Variants in ARMH3 observed in about 807,000 individuals in gnomAD.
The protein encoded by ARMH3 is armadillo-like helical domain-containing protein 3.
In ARMH3, 60 loss-of-function variants were observed where a neutral mutation model predicts 99.1. The observed-to-expected ratio is 0.61, with a 90% confidence interval of 0.49 to 0.75. ARMH3 has a LOEUF of 0.75. Ranked by LOEUF, ARMH3 falls within the 30% of genes least tolerant of loss-of-function variation. The pLI is 0.00. For missense variants in ARMH3, 679 were observed against 843.1 expected (o/e 0.81, Z 2.41); for synonymous variants, 285 against 292.8 (o/e 0.97, Z 0.27).
rs77732421 is a variant in ARMH3, at chr10:101,876,634, A to G, written c.1860+12778T>C. On this transcript the variant is annotated intron_variant, in intron 24 of 25. Coordinates refer to ENST00000370033, the MANE Select transcript of ARMH3 (RefSeq NM_024541.3). Reference sequence around the variant, plus strand: ...TTCCAATCAACACAGTTAATAATAGAGATACAAGTTTGCATAATGACACAT... The same window carrying G: ...TTCCAATCAACACAGTTAATAATAGGGATACAAGTTTGCATAATGACACAT... Among the ~76,000 whole-genome samples, 1,110 of 152,306 alleles carry G rather than the reference A, an allele frequency of 7.3e-3. 11 individuals carry two copies. The highest frequency in any genetic ancestry group is 0.025 in the African/African-American group (1,056 of 41,578).
At chr10:102,016,459 C>A (rs915659997) in intron 8 of ARMH3, among the ~76,000 whole-genome samples, 8 of 152,162 alleles carry the variant, frequency 5.3e-5, no homozygotes, top group African/African-American at 1.9e-4. Flanking sequence ...ATAATTGGTA[C>A]AGGTAGCTGT....
chr10:102,006,750 C>G (rs959458729), intron 13 of ARMH3, 117 bp from the exon 14 acceptor site: 31 of 796,090 alleles, frequency 3.9e-5, no homozygotes, highest in Non-Finnish European at 2.8e-5. Flanking sequence ...TTTTTTGAGA[C>G]AGCATCTTGC....
At chr10:102,012,802 A>G in intron 10 of ARMH3, 31 bp downstream of exon 10, 1 of 1,585,906 alleles carries the variant, frequency 6.3e-7, no homozygotes, top group Admixed American at 1.7e-5. Flanking sequence ...TGAAAATCAG[A>G]CCCCCTTCCA....
At position 101,978,517 on chromosome 10, in the gene ARMH3, G is replaced by C. The variant is rs188672349; in HGVS notation, c.1407-3217C>G. Among the ~76,000 whole-genome samples the C allele has an allele frequency of 2.6e-3, 403 of 152,298 alleles. 3 individuals are homozygous for C. Among genetic ancestry groups the C allele is most frequent in the African/African-American group, 8.8e-3 (366 of 41,562 alleles). On this transcript the variant is annotated intron_variant, in intron 19 of 25. Coordinates refer to ENST00000370033, the MANE Select transcript of ARMH3 (RefSeq NM_024541.3). ...GTATACAAAAGAAAAACACAAACAG[G>C]CTAGGTGCAGTGGCTCACATCTGTA...
chr10:101,885,028 G>A (rs1281766894), intron 24 of ARMH3, among the ~76,000 whole-genome samples: 1 of 152,058 alleles, frequency 6.6e-6, no homozygotes, highest in African/African-American at 2.4e-5. Flanking sequence ...CTCCAAAGAT[G>A]ATCTACAAAT....
At chr10:101,871,459 T>A (rs2067129811) in intron 24 of ARMH3, among the ~76,000 whole-genome samples, 1 of 152,192 alleles carries the variant, frequency 6.6e-6, no homozygotes, top group Admixed American at 6.5e-5. Flanking sequence ...GACCATAAAT[T>A]TAGACGTATA....
chr10:101,953,103 G>C (rs987329932), intron 22 of ARMH3, among the ~76,000 whole-genome samples: 8 of 152,230 alleles, frequency 5.3e-5, no homozygotes, highest in African/African-American at 1.9e-4. Flanking sequence ...ACTTGTGAAT[G>C]GTGCTATTAT....
chr10:101,899,811 T>G (rs1330123162), intron 23 of ARMH3, among the ~76,000 whole-genome samples: 3 of 152,178 alleles, frequency 2.0e-5, no homozygotes, highest in Non-Finnish European at 4.4e-5. Context: ...ATTATACTAC[T>G]GTCCCTGTGG....
intron 9 of ARMH3, 37 bp from the exon 10 acceptor site, chr10:102,012,913 G>T: frequency 1.3e-6 from 2 of 1,555,420 alleles, no homozygotes; most frequent in Non-Finnish European, 1.8e-6. Context: ...AAATAAGACA[G>T]TAGCCTTTGG....
intron 2 of ARMH3, among the ~76,000 whole-genome samples, chr10:102,036,685 T>G (rs1311729449): frequency 1.3e-5 from 2 of 151,860 alleles, no homozygotes; most frequent in Non-Finnish European, 2.9e-5. Context: ...GCAGGCTCGT[T>G]AAGAGTCATC....
chr10:101,896,653 AATGTGG>A (rs1296115274), intron 23 of ARMH3, among the ~76,000 whole-genome samples: 9 of 152,234 alleles, frequency 5.9e-5, no homozygotes, highest in African/African-American at 1.9e-4. Context: ...ACACAGAATT[AATGTGG>A]TGATTCCCAG....
chr10:101,974,331 A>T (rs1439838084), intron 20 of ARMH3, among the ~76,000 whole-genome samples: 3 of 152,204 alleles, frequency 2.0e-5, no homozygotes, highest in African/African-American at 7.2e-5. Context: ...CCTGTTTCTT[A>T]TAAAGGCTCT....
chr10:101,862,280 T>C (rs531459603), intron 24 of ARMH3, among the ~76,000 whole-genome samples: 1 of 152,126 alleles, frequency 6.6e-6, no homozygotes, highest in East Asian at 1.9e-4. Flanking sequence ...ATACATTATT[T>C]TGAAGGTGCA....
At chr10:101,865,775 C>T (rs569727867) in intron 24 of ARMH3, among the ~76,000 whole-genome samples, 30 of 151,772 alleles carry the variant, frequency 2.0e-4, no homozygotes, top group African/African-American at 7.0e-4. Flanking sequence ...AGGCGTGAGC[C>T]GCTGCACCTG....
chr10:101,940,112 C>T (rs1382865393), intron 22 of ARMH3, among the ~76,000 whole-genome samples, 174 bp from the exon 23 acceptor site: 2 of 152,212 alleles, frequency 1.3e-5, no homozygotes, highest in African/African-American at 2.4e-5. Flanking sequence ...ATAGAATTCT[C>T]GCAACTATTT....
intron 22 of ARMH3, among the ~76,000 whole-genome samples, chr10:101,954,326 GC>G (rs1399765709): frequency 1.3e-5 from 2 of 152,142 alleles, no homozygotes; most frequent in Non-Finnish European, 2.9e-5. Flanking sequence ...AACTAAGATG[GC>G]AATTCATACA....
chr10:101,917,299 CCT>C (rs879783789), intron 23 of ARMH3, among the ~76,000 whole-genome samples: 1 of 152,176 alleles, frequency 6.6e-6, no homozygotes, highest in Admixed American at 6.6e-5. Flanking sequence ...TGACCTATAC[CCT>C]GTCCCTATAG....
chr10:101,852,755 A>T (rs1303948239), intron 24 of ARMH3, among the ~76,000 whole-genome samples: 1 of 148,430 alleles, frequency 6.7e-6, no homozygotes, highest in Admixed American at 6.7e-5. Context: ...CCTTGTCTCA[A>T]AAAAAAAAAA....
intron 20 of ARMH3, among the ~76,000 whole-genome samples, chr10:101,959,335 C>T (rs941730968): frequency 1.3e-5 from 2 of 152,224 alleles, no homozygotes; most frequent in Admixed American, 6.5e-5. Context: ...CACCCCACCA[C>T]CTAATCCCCA....
Sources: allele counts gnomAD v4.1 joint callset (sites outside exome capture counted in the v4.1 genomes callset), GRCh38; gene constraint gnomAD v4.1.1; transcripts MANE v1.5; gene names NCBI Gene and HGNC (gene_info 2026-07-23, HGNC 2026-07-21).